The following INPP4B variants were observed in gnomAD, a reference collection of about 807,000 sequenced individuals.
INPP4B encodes the protein inositol polyphosphate-4-phosphatase type II B, also known as inositol polyphosphate 4-phosphatase type II.
INPP4B carries 55 observed loss-of-function variants against 122.5 expected under a neutral mutation model. The ratio of observed to expected loss-of-function variants is 0.45; its 90% confidence interval spans 0.36 to 0.56. The LOEUF (loss-of-function observed/expected upper bound fraction) is 0.56. Ranked by LOEUF, INPP4B falls within the 20% of genes least tolerant of loss-of-function variation. The pLI is 0.00. For missense variants in INPP4B, 1,000 were observed against 1,097.7 expected (o/e 0.91, Z 1.26); for synonymous variants, 403 against 388.7 (o/e 1.04, Z -0.43).
At chr4:142,551,159 A>G (rs1357931138) in intron 2 of INPP4B, among the ~76,000 whole-genome samples, 1 of 152,192 alleles carries the variant, frequency 6.6e-6, no homozygotes. Context: ...CAGCAAGCAC[A>G]CATTCTTTCT....
intron 12 of INPP4B, among the ~76,000 whole-genome samples, chr4:142,229,329 C>T (rs904262619): frequency 6.6e-6 from 1 of 151,932 alleles, no homozygotes; most frequent in Non-Finnish European, 1.5e-5. Context: ...TAAAATGAAG[C>T]ATAGTGTGAT....
At chr4:142,809,295 A>G (rs1168224542) in intron 1 of INPP4B, among the ~76,000 whole-genome samples, 1 of 152,290 alleles carries the variant, frequency 6.6e-6, no homozygotes, top group East Asian at 1.9e-4. Context: ...TTGATGTAAT[A>G]TAAGAAAAGA....
At chr4:142,199,635 C>A (rs540770362) in intron 14 of INPP4B, among the ~76,000 whole-genome samples, 1 of 152,204 alleles carries the variant, frequency 6.6e-6, no homozygotes, top group African/African-American at 2.4e-5. Flanking sequence ...CTCCTCCGAT[C>A]TATAACAGTT....
intron 2 of INPP4B, among the ~76,000 whole-genome samples, chr4:142,619,786 C>G (rs184545275): frequency 6.1e-4 from 92 of 151,864 alleles, no homozygotes; most frequent in Admixed American, 2.2e-3. Context: ...GGAATACCCC[C>G]CAAAAGGAGA....
chr4:142,417,705 C>T (rs1806058227), intron 5 of INPP4B, among the ~76,000 whole-genome samples: 1 of 151,922 alleles, frequency 6.6e-6, no homozygotes, highest in Non-Finnish European at 1.5e-5. Flanking sequence ...ATTCTTAGTG[C>T]TTTAGGAATG....
chr4:142,708,794 C>T (rs1762773419), intron 2 of INPP4B, among the ~76,000 whole-genome samples: 1 of 152,186 alleles, frequency 6.6e-6, no homozygotes, highest in Admixed American at 6.5e-5. Flanking sequence ...AGAGGCCCCA[C>T]ACAGAGTCTC....
At chr4:142,636,564 A>T (rs983475316) in intron 2 of INPP4B, among the ~76,000 whole-genome samples, 1 of 152,104 alleles carries the variant, frequency 6.6e-6, no homozygotes, top group African/African-American at 2.4e-5. Flanking sequence ...TTATTGACCA[A>T]GAGGTATTAG....
At chr4:142,514,788 A>ATTT (rs1825195378) in intron 2 of INPP4B, among the ~76,000 whole-genome samples, 1 of 124,852 alleles carries the variant, frequency 8.0e-6, no homozygotes, top group African/African-American at 3.0e-5. Context: ...ACACACCATG[A>ATTT]TTTCTTTTTT....
At chr4:142,576,796 A>G (rs1733950350) in intron 2 of INPP4B, among the ~76,000 whole-genome samples, 1 of 152,036 alleles carries the variant, frequency 6.6e-6, no homozygotes, top group Non-Finnish European at 1.5e-5. Context: ...GAACAGTTTA[A>G]ACATAACAGT....
chr4:142,123,380 T>G lies in INPP4B; in HGVS notation c.1929A>C (p.Leu643Phe), dbSNP rs1797372453. 2 of 1,612,932 alleles carry G rather than the reference T, an allele frequency of 1.2e-6. No homozygotes were observed. The highest frequency in any genetic ancestry group is 3.3e-5 in the Admixed American group (2 of 59,856). The change falls in exon 20 of 26, where the codon TTA (leucine) becomes TTC (phenylalanine). Residue 643 changes from leucine (L) to phenylalanine (F), a missense_variant. Physicochemically the swap from Leu to Phe is conservative, Grantham distance 22. Transcript: ENST00000262992. ...AGCCTGGGTCATACAGACTTGTCTG[T>G]AATTTGATGATAAAACCACAAACCA... ...AGLVCGFIIK[L>F]QTSLYDPGFL...
At chr4:142,183,577 C>T (rs979373803) in intron 15 of INPP4B, among the ~76,000 whole-genome samples, 2 of 126,898 alleles carry the variant, frequency 1.6e-5, no homozygotes, top group Admixed American at 1.6e-4. Flanking sequence ...GACTTTTCTG[C>T]TGTATGCTGC....
At chr4:142,486,707 CTA>C (rs937752113) in intron 2 of INPP4B, among the ~76,000 whole-genome samples, 1 of 151,988 alleles carries the variant, frequency 6.6e-6, no homozygotes, top group African/African-American at 2.4e-5. Context: ...GAAAAATAGT[CTA>C]TTTTGTTTTC....
At chr4:142,427,044 T>C (rs981031820) in intron 5 of INPP4B, 1 of 152,234 alleles carries the variant, frequency 6.6e-6, no homozygotes, top group South Asian at 2.1e-4. Context: ...TGAATAGAAG[T>C]TACTCATACA....
At chr4:142,301,547 C>T (rs1761410605) in intron 9 of INPP4B, among the ~76,000 whole-genome samples, 1 of 152,126 alleles carries the variant, frequency 6.6e-6, no homozygotes, top group Non-Finnish European at 1.5e-5. Flanking sequence ...AATGATAATG[C>T]CACATGGATT....
intron 14 of INPP4B, among the ~76,000 whole-genome samples, chr4:142,198,963 T>C (rs758432179): frequency 8.5e-5 from 13 of 152,060 alleles, no homozygotes; most frequent in Non-Finnish European, 1.5e-4. Context: ...AGTTCCTACA[T>C]AGAGATCTTT....
At chr4:142,195,482 T>C (rs1837785410) in intron 14 of INPP4B, among the ~76,000 whole-genome samples, 1 of 152,182 alleles carries the variant, frequency 6.6e-6, no homozygotes, top group African/African-American at 2.4e-5. Context: ...AAAAAACCTT[T>C]TAGACTTGAT....
At chr4:142,178,833 T>TAAAAAAAAAAAAGAA in intron 15 of INPP4B, among the ~76,000 whole-genome samples, 1 of 140,518 alleles carries the variant, frequency 7.1e-6, no homozygotes, top group Non-Finnish European at 1.5e-5. Flanking sequence ...ACCCTACTTG[T>TAAAAAAAAAAAAGAA]AAAAAAAAAA....
At chr4:142,451,254 T>G (rs1022357909) in intron 3 of INPP4B, among the ~76,000 whole-genome samples, 15 of 143,376 alleles carry the variant, frequency 1.0e-4, no homozygotes, top group African/African-American at 3.6e-4. Flanking sequence ...TTGTTTTTTT[T>G]TTTTTTTTTT....
At chr4:142,346,927 C>G (rs539486670) in intron 7 of INPP4B, among the ~76,000 whole-genome samples, 25 of 152,108 alleles carry the variant, frequency 1.6e-4, no homozygotes, top group Admixed American at 5.2e-4. Flanking sequence ...AATTTCATGA[C>G]TGATCCAGAT....
Sources: allele counts gnomAD v4.1 joint callset (sites outside exome capture counted in the v4.1 genomes callset), GRCh38; gene constraint gnomAD v4.1.1; transcripts MANE v1.5; gene names NCBI Gene and HGNC (gene_info 2026-07-23, HGNC 2026-07-21).